The following CPA6 variants were observed in gnomAD, a reference collection of about 807,000 sequenced individuals.
The protein encoded by CPA6 is carboxypeptidase A6, also known as carboxypeptidase B.
Under a neutral mutation model 63.3 loss-of-function variants are expected in CPA6, and 58 were observed. The ratio of observed to expected loss-of-function variants is 0.92; its 90% confidence interval spans 0.74 to 1.14. CPA6 has a LOEUF of 1.14. CPA6 is among the 50% of genes most tolerant of loss of function. CPA6 has a pLI of 0.00. For missense variants in CPA6, 565 were observed against 526.6 expected, an observed-to-expected ratio of 1.07 and a Z score of -0.71; for synonymous variants, 185 against 179.0, an observed-to-expected ratio of 1.03 and a Z score of -0.27.
intron 1 of CPA6, among the ~76,000 whole-genome samples, chr8:67,713,099 G>GTGTGTGTGTGTATATATATATATA (rs1328463977): frequency 7.3e-5 from 4 of 55,026 alleles, no homozygotes; most frequent in Admixed American, 2.8e-4. Context: ...GTGTGTGTGT[G>GTGTGTGTGTGTATATATATATATA]TATATATATA....
At chr8:67,523,754 T>C (rs1000216348) in intron 2 of CPA6, among the ~76,000 whole-genome samples, 1 of 152,208 alleles carries the variant, frequency 6.6e-6, no homozygotes, top group African/African-American at 2.4e-5. Context: ...ATTACACACC[T>C]GGTTCAGGTA....
At chr8:67,479,856 C>T (rs1355722907) in intron 8 of CPA6, among the ~76,000 whole-genome samples, 2 of 152,038 alleles carry the variant, frequency 1.3e-5, no homozygotes, top group African/African-American at 2.4e-5. Context: ...GGCCAGTGGC[C>T]ATCTATTGTT....
intron 1 of CPA6, among the ~76,000 whole-genome samples, chr8:67,636,889 A>G (rs1815480542): frequency 6.6e-6 from 1 of 151,626 alleles, no homozygotes; most frequent in African/African-American, 2.4e-5. Context: ...TTATGTTTTG[A>G]TGCACATGAA....
At chr8:67,652,505 AT>A (rs1815871880) in intron 1 of CPA6, among the ~76,000 whole-genome samples, 1 of 151,646 alleles carries the variant, frequency 6.6e-6, no homozygotes. Context: ...GATGATGAGC[AT>A]TTTTTCATGT....
intron 1 of CPA6, among the ~76,000 whole-genome samples, chr8:67,728,516 G>A (rs992538467): frequency 6.6e-6 from 1 of 152,062 alleles, no homozygotes; most frequent in African/African-American, 2.4e-5. Context: ...GAACACATAG[G>A]TAGCATCCCA....
chr8:67,610,157 T>A (rs1814767564), intron 2 of CPA6, among the ~76,000 whole-genome samples: 2 of 152,190 alleles, frequency 1.3e-5, no homozygotes. Context: ...GGAGGATTGC[T>A]TGAGCCCAGA....
chr8:67,443,177 C>T (rs935865300), intron 8 of CPA6, among the ~76,000 whole-genome samples: 4 of 152,024 alleles, frequency 2.6e-5, no homozygotes, highest in Non-Finnish European at 5.9e-5. Context: ...ATTCTCCTGC[C>T]TCAGCCTCCC....
At chr8:67,695,835 G>A (rs1816902798) in intron 1 of CPA6, among the ~76,000 whole-genome samples, 1 of 152,164 alleles carries the variant, frequency 6.6e-6, no homozygotes, top group South Asian at 2.1e-4. Context: ...GGAATCAAGG[G>A]GTACAGATGG....
chr8:67,691,352 A>T (rs894057615), intron 1 of CPA6, among the ~76,000 whole-genome samples: 8 of 152,290 alleles, frequency 5.3e-5, no homozygotes, highest in Admixed American at 2.0e-4. Flanking sequence ...CCCTTAATTT[A>T]GGTGGCCATC....
At chr8:67,465,479 C>T (rs1351246781) in intron 8 of CPA6, among the ~76,000 whole-genome samples, 3 of 152,064 alleles carry the variant, frequency 2.0e-5, no homozygotes, top group Non-Finnish European at 4.4e-5. Context: ...TATTTGGATG[C>T]CTTTTATTTC....
At chr8:67,524,189 C>T (rs1812315453) in intron 2 of CPA6, among the ~76,000 whole-genome samples, 1 of 152,164 alleles carries the variant, frequency 6.6e-6, no homozygotes. Context: ...GAGAGCTTCT[C>T]TACCCTCCAA....
At chr8:67,658,968 C>G (rs548899052) in intron 1 of CPA6, among the ~76,000 whole-genome samples, 91 of 152,312 alleles carry the variant, frequency 6.0e-4, no homozygotes, top group Non-Finnish European at 1.1e-3. Flanking sequence ...CCCTTTCAAT[C>G]TACTCTCCAC....
In CPA6 at chr8:67,688,839, A is replaced by G. The variant is rs144638885; in HGVS notation, c.116+57175T>C. On this transcript the variant is annotated intron_variant, in intron 1 of 10. Coordinates refer to ENST00000297770, the MANE Select transcript of CPA6 (RefSeq NM_020361.5). ...GATCCTGGGAGTATGCTGCACATTG[A>G]CAAAAACAAATTACTCATTCTATTT... 1.5e-4 allele frequency among the ~76,000 whole-genome samples: 23 copies of G among 152,254 alleles called. No homozygotes were observed. The East Asian group carries it at 4.4e-3, about 29-fold the overall frequency.
chr8:67,565,778 A>C (rs1813322803), intron 2 of CPA6, among the ~76,000 whole-genome samples: 1 of 152,266 alleles, frequency 6.6e-6, no homozygotes, highest in Admixed American at 6.5e-5. Flanking sequence ...TTGTAATGTC[A>C]GTTTGTCTCA....
At chr8:67,609,659 C>T (rs1323715616) in intron 2 of CPA6, among the ~76,000 whole-genome samples, 1 of 152,042 alleles carries the variant, frequency 6.6e-6, no homozygotes, top group East Asian at 1.9e-4. Flanking sequence ...TTGTTCTCCC[C>T]AGTATTTTCA....
intron 1 of CPA6, among the ~76,000 whole-genome samples, chr8:67,638,665 C>T (rs554552354): frequency 1.3e-5 from 2 of 151,658 alleles, no homozygotes; most frequent in East Asian, 1.9e-4. Context: ...CCAGGGGCAG[C>T]GTATGCTGAG....
chr8:67,618,412 G>A (rs563268867), intron 2 of CPA6, among the ~76,000 whole-genome samples: 34 of 152,262 alleles, frequency 2.2e-4, no homozygotes, highest in Admixed American at 7.2e-4. Context: ...AGGAGGATTA[G>A]AGAAGACAGC....
chr8:67,440,495 CA>C (rs1810266421), intron 8 of CPA6, among the ~76,000 whole-genome samples: 1 of 152,086 alleles, frequency 6.6e-6, no homozygotes, highest in African/African-American at 2.4e-5. Flanking sequence ...CGCTTGAACC[CA>C]GGGGGTGGAG....
At chr8:67,634,841 G>A (rs1815431325) in intron 1 of CPA6, among the ~76,000 whole-genome samples, 1 of 151,448 alleles carries the variant, frequency 6.6e-6, no homozygotes, top group South Asian at 2.1e-4. Flanking sequence ...CTAATTTATA[G>A]TCTCTCAATA....
Sources: allele counts gnomAD v4.1 joint callset (sites outside exome capture counted in the v4.1 genomes callset), GRCh38; gene constraint gnomAD v4.1.1; transcripts MANE v1.5; gene names NCBI Gene and HGNC (gene_info 2026-07-23, HGNC 2026-07-21).